EPHA3: variants seen among roughly 807,000 people sequenced by gnomAD.
EPHA3 encodes the protein ephrin type-A receptor 3.
Under a neutral mutation model 107.1 loss-of-function variants are expected in EPHA3, and 42 were observed. The observed-to-expected ratio is 0.39, with a 90% CI of 0.31 to 0.51. The LOEUF (loss-of-function observed/expected upper bound fraction) is 0.51. EPHA3 is among the 20% of genes least tolerant of loss of function. The probability of loss-of-function intolerance (pLI) is 0.78; values close to 1 mark genes in which losing one functional copy is unlikely to be tolerated. For synonymous variants in EPHA3, 461 were observed against 424.8 expected, an observed-to-expected ratio of 1.09 and a Z score of -1.05; for missense variants, 1,183 against 1,211.2, an observed-to-expected ratio of 0.98 and a Z score of 0.35.
intron 2 of EPHA3, among the ~76,000 whole-genome samples, chr3:89,207,843 C>T (rs1013231061): frequency 7.9e-5 from 12 of 151,938 alleles, no homozygotes; most frequent in African/African-American, 2.9e-4. Flanking sequence ...TGTGCATATG[C>T]CAAAAGGTGA....
At chr3:89,337,585 C>T (rs770620700) in intron 3 of EPHA3, among the ~76,000 whole-genome samples, 11 of 152,184 alleles carry the variant, frequency 7.2e-5, no homozygotes, top group Non-Finnish European at 1.5e-4. Flanking sequence ...TCTATTCATT[C>T]GTGGTTAAAG....
At chr3:89,173,105 C>A (rs1346916657) in intron 2 of EPHA3, among the ~76,000 whole-genome samples, 1 of 151,852 alleles carries the variant, frequency 6.6e-6, no homozygotes, top group Non-Finnish European at 1.5e-5. Context: ...ATGTATCCAC[C>A]AAAAAAGATG....
intron 2 of EPHA3, among the ~76,000 whole-genome samples, chr3:89,142,474 A>G (rs947987452): frequency 6.6e-6 from 1 of 151,384 alleles, no homozygotes; most frequent in African/African-American, 2.4e-5. Context: ...TGCTTTAAAC[A>G]TACCAAAAAA....
At chr3:89,136,927 AT>A (rs1367051522) in intron 2 of EPHA3, among the ~76,000 whole-genome samples, 1 of 151,890 alleles carries the variant, frequency 6.6e-6, no homozygotes, top group Non-Finnish European at 1.5e-5. Flanking sequence ...TATTGATAAC[AT>A]TTTTTCTCTA....
intron 7 of EPHA3, among the ~76,000 whole-genome samples, chr3:89,406,569 C>G (rs770369584): frequency 6.6e-6 from 1 of 152,088 alleles, no homozygotes; most frequent in Non-Finnish European, 1.5e-5. Context: ...TATTTATAGA[C>G]AGCAAAATTT....
chr3:89,433,841 T>A (rs1192670949), intron 13 of EPHA3, among the ~76,000 whole-genome samples: 2 of 152,130 alleles, frequency 1.3e-5, no homozygotes, highest in Non-Finnish European at 2.9e-5. Flanking sequence ...TAGTTCTCCT[T>A]CTCTGATCAC....
Position 89,408,093 on chromosome 3 carries a change from G to C in EPHA3, c.1724G>C (p.Gly575Ala), listed in dbSNP as rs372943443. The change falls in exon 9 of 17, where the codon GGG becomes GCG. Residue 575 changes from glycine to alanine, a missense_variant. Gly to Ala is a moderately conservative substitution (Grantham distance 60). Coordinates refer to ENST00000336596, the MANE Select transcript of EPHA3 (RefSeq NM_005233.6). ...TTCTGTGGCTATAAGTCAAAACATG[G>C]GGCAGATGAAAAAAGACTTCATTTT... is the stretch of plus-strand genomic sequence containing the variant. ...GRFCGYKSKH[G>A]ADEKRLHFGN... 1.2e-6 allele frequency: 2 copies of C among 1,612,626 alleles called. No individual in the cohort carries two copies. The highest frequency in any genetic ancestry group is 1.3e-5 in the African/African-American group (1 of 74,818).
chr3:89,417,700 T>TA (rs1435445962), intron 10 of EPHA3, among the ~76,000 whole-genome samples: 1 of 151,466 alleles, frequency 6.6e-6, no homozygotes, highest in African/African-American at 2.4e-5. Context: ...TAAGGAACAC[T>TA]ATAGCTGTAG....
intron 5 of EPHA3, among the ~76,000 whole-genome samples, chr3:89,372,718 G>C (rs1216207867): frequency 6.6e-6 from 1 of 151,758 alleles, no homozygotes; most frequent in Non-Finnish European, 1.5e-5. Flanking sequence ...GAACAGCTTA[G>C]TCTCTGTCTC....
In EPHA3 at chr3:89,413,127, C is replaced by T. The variant is rs1403973687; in HGVS notation, c.1763-14C>T. 5 of 1,610,264 alleles carry T rather than the reference C, an allele frequency of 3.1e-6. No homozygotes were observed. In the Admixed American group the frequency reaches 5.0e-5, roughly 16 times the overall value. ...TCTAGCTACAATTGCGCCTTTCTTTCTTTCCTCAAACAGTAAAACTTCCAG... is the reference window on the plus strand; with the variant it reads ...TCTAGCTACAATTGCGCCTTTCTTTTTTTCCTCAAACAGTAAAACTTCCAG... On this transcript the variant is annotated splice_polypyrimidine_tract_variant and intron_variant, in intron 9 of 16. Transcript: ENST00000336596.
intron 2 of EPHA3, among the ~76,000 whole-genome samples, chr3:89,135,031 C>T (rs1476436701): frequency 6.6e-6 from 1 of 152,168 alleles, no homozygotes; most frequent in African/African-American, 2.4e-5. Context: ...AATGCAAACA[C>T]TGCAATTACT....
chr3:89,320,847 T>G (rs1016560000), intron 3 of EPHA3, among the ~76,000 whole-genome samples: 4 of 152,074 alleles, frequency 2.6e-5, no homozygotes, highest in African/African-American at 9.7e-5. Context: ...TAATGATCTA[T>G]CTCTCTCAGT....
At chr3:89,413,287 G>T (rs1709189531) in intron 10 of EPHA3, 21 bp downstream of exon 10, 2 of 1,610,858 alleles carry the variant, frequency 1.2e-6, no homozygotes, top group African/African-American at 1.3e-5. Context: ...TGACCCTACT[G>T]CCAACTTAGT....
At chr3:89,400,957 G>T (rs1708950938) in intron 7 of EPHA3, among the ~76,000 whole-genome samples, 2 of 152,086 alleles carry the variant, frequency 1.3e-5, no homozygotes, top group Non-Finnish European at 1.5e-5. Context: ...CTGCTGAATG[G>T]AATATAATAA....
At chr3:89,308,326 A>C (rs1339795873) in intron 3 of EPHA3, among the ~76,000 whole-genome samples, 2 of 152,192 alleles carry the variant, frequency 1.3e-5, no homozygotes, top group Non-Finnish European at 2.9e-5. Context: ...CATGTAAAAT[A>C]ACACAAAGAT....
chr3:89,136,792 T>C (rs1432067673), intron 2 of EPHA3, among the ~76,000 whole-genome samples: 1 of 151,940 alleles, frequency 6.6e-6, no homozygotes. Context: ...TGTAGTCAAA[T>C]AATTTTCATT....
chr3:89,215,148 C>T (rs1704194805), intron 3 of EPHA3, among the ~76,000 whole-genome samples: 1 of 151,790 alleles, frequency 6.6e-6, no homozygotes, highest in Admixed American at 6.6e-5. Flanking sequence ...ATTTACTTTG[C>T]TTTAGGTAGT....
At chr3:89,368,204 T>A (rs1007082495) in intron 5 of EPHA3, among the ~76,000 whole-genome samples, 6 of 150,382 alleles carry the variant, frequency 4.0e-5, no homozygotes, top group African/African-American at 7.3e-5. Flanking sequence ...TTTAAAAAAA[T>A]TATTATTTTA....
chr3:89,249,409 G>A (rs1384386436), intron 3 of EPHA3, among the ~76,000 whole-genome samples: 2 of 151,944 alleles, frequency 1.3e-5, no homozygotes, highest in South Asian at 2.1e-4. Context: ...TTCATTCATC[G>A]TTATTAGCTT....
Sources: gnomAD v4.1 joint callset for allele counts (sites outside exome capture counted in the v4.1 genomes callset) on GRCh38, gnomAD v4.1.1 for gene constraint, MANE v1.5 for transcripts, NCBI Gene and HGNC (gene_info 2026-07-23, HGNC 2026-07-21) for gene names.